TRDN: variants seen among roughly 807,000 people sequenced by gnomAD.
The protein encoded by TRDN is triadin in skeletal muscle.
TRDN carries 161 observed loss-of-function variants against 149.7 expected under a neutral mutation model. The observed-to-expected ratio is 1.08, with a 90% confidence interval of 0.95 to 1.23. TRDN has a LOEUF of 1.23. Among genes scored for constraint, TRDN ranks in the 50% most tolerant of loss-of-function variants. The pLI is 0.00. For missense variants in TRDN, 896 were observed against 823.5 expected (o/e 1.09, Z -1.08); for synonymous variants, 294 against 250.5 (o/e 1.17, Z -1.64).
intron 21 of TRDN, chr6:123,350,085 A>G (rs902499983): frequency 1.0e-6 from 1 of 978,856 alleles, no homozygotes; most frequent in African/African-American, 1.8e-5. Context: ...TATGATCAAC[A>G]GGCTCCAACT....
intron 9 of TRDN, among the ~76,000 whole-genome samples, chr6:123,490,681 T>C (rs1297869632): frequency 6.6e-6 from 1 of 152,230 alleles, no homozygotes; most frequent in Non-Finnish European, 1.5e-5. Context: ...ATAAAATTCA[T>C]GTGCCAAAAT....
chr6:123,489,880 CT>C lies in TRDN; in HGVS notation c.853+7312del, dbSNP rs546721215. 5.9e-3 allele frequency among the ~76,000 whole-genome samples: 869 copies of C among 146,582 alleles called. 7 individuals are homozygous for C. The highest frequency in any genetic ancestry group is 0.019 in the African/African-American group (757 of 40,436). ...AGATATAAAAGAAGCCTGGAGACAT[CT>C]TTTTTTTTTTGAGACACCATTTTTA... On this transcript the variant is annotated intron_variant, in intron 9 of 40. Transcript: ENST00000334268.
intron 2 of TRDN, among the ~76,000 whole-genome samples, chr6:123,548,992 T>C (rs1055615405): frequency 6.6e-6 from 1 of 152,040 alleles, no homozygotes; most frequent in Non-Finnish European, 1.5e-5. Context: ...ATAGAAAAGA[T>C]GACTCTGTAA....
chr6:123,351,189 TG>T (rs1780451045), intron 21 of TRDN: 1 of 983,938 alleles, frequency 1.0e-6, no homozygotes, highest in African/African-American at 1.7e-5. Flanking sequence ...TTATGTCATC[TG>T]TGTTGAAATT....
chr6:123,227,012 G>C (rs1336034554), intron 38 of TRDN, among the ~76,000 whole-genome samples: 1 of 151,844 alleles, frequency 6.6e-6, no homozygotes, highest in Non-Finnish European at 1.5e-5. Flanking sequence ...TATTCAGGGA[G>C]TAGAGGAGAC....
intron 24 of TRDN, among the ~76,000 whole-genome samples, chr6:123,283,490 A>C (rs1490748263): frequency 6.6e-6 from 1 of 151,972 alleles, no homozygotes; most frequent in Non-Finnish European, 1.5e-5. Flanking sequence ...AATGAAATTG[A>C]AACAAACAAA....
rs781602848 is a variant in TRDN at position 123,259,627 on chromosome 6, T to G, written c.1867A>C (p.Lys623Gln). The G allele has an allele frequency of 6.8e-7, 1 of 1,477,092 alleles. No homozygotes were observed. The highest frequency in any genetic ancestry group is 9.2e-7 in the Non-Finnish European group (1 of 1,091,018). The allele number at this position is 1,477,092 out of a possible 1,614,324, so 91.5% of individuals were successfully genotyped here. A position where few individuals can be genotyped will look rare whatever the true frequency, so the allele number is the denominator to read the frequency against. The change falls in exon 35 of 41, where the codon AAA becomes CAA. Residue 623 changes from lysine to glutamine, a missense_variant. Lys to Gln is a moderately conservative substitution (Grantham distance 53). Coordinates refer to ENST00000334268, the MANE Select transcript of TRDN (RefSeq NM_006073.4). ...TGTCTTAAAATGTCATTTTTACCTTTACTTTCTTTTTCAGATATTTCAGTT... is the reference window on the plus strand; with the variant it reads ...TGTCTTAAAATGTCATTTTTACCTTGACTTTCTTTTTCAGATATTTCAGTT... ...KKTEISEKES[K>Q]EKADMKHLRE...
chr6:123,490,141 C>A (rs886593108), intron 9 of TRDN, among the ~76,000 whole-genome samples: 2 of 152,064 alleles, frequency 1.3e-5, no homozygotes, highest in Non-Finnish European at 2.9e-5. Context: ...AATGAATTTT[C>A]TTAAACTATA....
intron 11 of TRDN, 28 bp from the exon 12 acceptor site, chr6:123,438,150 C>G: frequency 6.6e-7 from 1 of 1,520,378 alleles, no homozygotes. Context: ...AAGTTATAAG[C>G]CTTTACCTGT....
intron 24 of TRDN, among the ~76,000 whole-genome samples, chr6:123,294,342 A>G (rs555022703): frequency 9.2e-5 from 14 of 152,220 alleles, no homozygotes; most frequent in African/African-American, 3.4e-4. Context: ...CTTGGTTGCT[A>G]TCTTGTTACT....
At chr6:123,410,500 A>G (rs79822766) in intron 12 of TRDN, among the ~76,000 whole-genome samples, 1,823 of 152,280 alleles carry the variant, frequency 0.012, 35 homozygotes, top group African/African-American at 0.041. Flanking sequence ...CATTTATTGT[A>G]TTTTCTCTTC....
In TRDN at chr6:123,352,393, C is replaced by T; in HGVS notation, c.1369+146G>A. 12 of 1,389,168 alleles carry T rather than the reference C, an allele frequency of 8.6e-6. No individual in the cohort carries two copies. In the South Asian group the frequency reaches 2.2e-4, roughly 25 times the overall value. The allele number at this position is 1,389,168 out of a possible 1,614,324, so 86.1% of individuals were successfully genotyped here. A position where few individuals can be genotyped will look rare whatever the true frequency, so the allele number is the denominator to read the frequency against. The stretch of plus-strand genomic sequence containing the variant: ...CCCAGATTGCTGTCTCACATTCTCC[C>T]TGGCACAGAAAAACATGCAAGGACA... On this transcript the variant is annotated intron_variant, in intron 21 of 40. Transcript: ENST00000334268.
At chr6:123,542,605 T>A (rs1178568879) in intron 4 of TRDN, among the ~76,000 whole-genome samples, 1 of 152,174 alleles carries the variant, frequency 6.6e-6, no homozygotes, top group African/African-American at 2.4e-5. Flanking sequence ...TAAGTGAGAA[T>A]AAACTGTAAA....
chr6:123,498,702 T>C (rs9320940), intron 8 of TRDN: 368,200 of 435,382 alleles, frequency 0.85, 156,236 homozygotes, highest in East Asian at 0.88. Flanking sequence ...TTTCTAGACA[T>C]GAGATTGTTT....
intron 20 of TRDN, among the ~76,000 whole-genome samples, chr6:123,354,808 C>T (rs965220614): frequency 5.9e-5 from 9 of 151,706 alleles, no homozygotes; most frequent in Non-Finnish European, 1.3e-4. Context: ...GAATTTCAGG[C>T]ACCAGCAATA....
At chr6:123,365,402 T>G (rs571965978) in intron 20 of TRDN, among the ~76,000 whole-genome samples, 10 of 152,298 alleles carry the variant, frequency 6.6e-5, no homozygotes, top group African/African-American at 2.4e-4. Flanking sequence ...TATATTCATA[T>G]GTATACATTG....
At chr6:123,414,983 T>C (rs1773593319) in intron 12 of TRDN, among the ~76,000 whole-genome samples, 1 of 152,182 alleles carries the variant, frequency 6.6e-6, no homozygotes, top group Non-Finnish European at 1.5e-5. Context: ...TAAGGAGTCC[T>C]TTCTAATTCA....
At chr6:123,559,974 G>A (rs951677472) in intron 2 of TRDN, among the ~76,000 whole-genome samples, 2 of 152,062 alleles carry the variant, frequency 1.3e-5, no homozygotes, top group African/African-American at 2.4e-5. Flanking sequence ...CGAATTACCT[G>A]GGCTGTACTG....
chr6:123,361,042 C>T (rs1369580772), intron 20 of TRDN, among the ~76,000 whole-genome samples: 9 of 152,090 alleles, frequency 5.9e-5, no homozygotes, highest in Non-Finnish European at 1.2e-4. Context: ...AATAAACATA[C>T]GTGTGCATGT....
Sources: gnomAD v4.1 joint callset for allele counts (sites outside exome capture counted in the v4.1 genomes callset) on GRCh38, gnomAD v4.1.1 for gene constraint, MANE v1.5 for transcripts, NCBI Gene and HGNC (gene_info 2026-07-23, HGNC 2026-07-21) for gene names.